The following ITGA3 variants were observed in gnomAD, a reference collection of about 807,000 sequenced individuals.
ITGA3 encodes the protein integrin alpha-3.
A neutral mutation model predicts 131.1 loss-of-function variants in ITGA3; 70 were observed. The ratio of observed to expected loss-of-function variants is 0.53; its 90% CI spans 0.44 to 0.65. ITGA3 has a LOEUF of 0.65. ITGA3 is among the 30% of genes least tolerant of loss of function. The pLI is 0.00. For synonymous variants in ITGA3, 537 were observed against 571.6 expected (o/e 0.94, Z 0.86); for missense variants, 1,098 against 1,388.6 (o/e 0.79, Z 3.33).
rs541435330 is a variant in ITGA3, at chr17:50,075,539, G to A, written c.1537+13G>A. ...AGGCGAAACATCAGTGAGTGCTGGGGTGCAGCGTAAAAGGGGTACGCTCCC... is the reference window on the plus strand; with the variant it reads ...AGGCGAAACATCAGTGAGTGCTGGGATGCAGCGTAAAAGGGGTACGCTCCC... On this transcript the variant is annotated intron_variant, in intron 11 of 25. Transcript: ENST00000320031. 3 of 1,614,114 alleles carry A rather than the reference G, an allele frequency of 1.9e-6. No individual in the cohort carries two copies. The highest frequency in any genetic ancestry group is 1.1e-5 in the South Asian group (1 of 91,088).
chr17:50,079,623 G>A (rs2144305632), intron 21 of ITGA3, 66 bp downstream of exon 21: 1 of 1,443,084 alleles, frequency 6.9e-7, no homozygotes, highest in East Asian at 2.5e-5. Flanking sequence ...TGGGCACCAG[G>A]GGCACACAAA....
chr17:50,058,714 C>G (rs193289331), intron 1 of ITGA3, among the ~76,000 whole-genome samples: 2 of 152,236 alleles, frequency 1.3e-5, no homozygotes, highest in Admixed American at 6.5e-5. Context: ...TTCGACCCCT[C>G]GGCCATTTGG....
intron 1 of ITGA3, among the ~76,000 whole-genome samples, chr17:50,059,050 A>G (rs1435981500): frequency 6.6e-6 from 1 of 152,200 alleles, no homozygotes; most frequent in East Asian, 1.9e-4. Flanking sequence ...TTAGAAACCC[A>G]GGGGTGGGAC....
At chr17:50,070,818 C>T (rs1218179404) in intron 4 of ITGA3, 26 bp from the exon 5 acceptor site, 2 of 1,519,012 alleles carry the variant, frequency 1.3e-6, no homozygotes, top group South Asian at 1.1e-5. Flanking sequence ...ATACTCCCTA[C>T]TCTCCCTCCC....
intron 23 of ITGA3, chr17:50,086,909 AG>A (rs1909473708): frequency 6.7e-6 from 1 of 149,646 alleles, no homozygotes; most frequent in Non-Finnish European, 1.5e-5. Context: ...AAAATTAGCC[AG>A]GCGTGATGGT....
chr17:50,062,461 G>A, intron 1 of ITGA3, among the ~76,000 whole-genome samples: 1 of 152,188 alleles, frequency 6.6e-6, no homozygotes, highest in Non-Finnish European at 1.5e-5. Context: ...AGCCCAGAGA[G>A]AAGTGACTCT....
intron 1 of ITGA3, among the ~76,000 whole-genome samples, chr17:50,061,861 G>A (rs1908097831): frequency 6.6e-6 from 1 of 152,020 alleles, no homozygotes; most frequent in Non-Finnish European, 1.5e-5. Flanking sequence ...CCAATATGGC[G>A]AAACCCCATC....
In ITGA3 at chr17:50,056,660, A is replaced by G; in HGVS notation, c.206+15A>G. On this transcript the variant is annotated intron_variant, in intron 1 of 25. Coordinates refer to ENST00000320031, the MANE Select transcript of ITGA3 (RefSeq NM_002204.4). The surrounding 1 kb of genome is among the most constrained non-coding windows in gnomAD (Gnocchi z 5.6). ...CAGCGCTACCTGTAAGTGAAGCTGG[A>G]GGGTGTGGGGTGGGAGCGAGAGAGT... 1.3e-6 allele frequency: 2 copies of G among 1,594,236 alleles called. No homozygotes were observed. Among genetic ancestry groups the G allele is most frequent in the Admixed American group, 1.7e-5 (1 of 57,806 alleles).
chr17:50,067,467 T>C (rs1908396104), intron 3 of ITGA3, among the ~76,000 whole-genome samples: 1 of 152,198 alleles, frequency 6.6e-6, no homozygotes, highest in Non-Finnish European at 1.5e-5. Flanking sequence ...TGCCTCTCTC[T>C]AGATATGAGA....
intron 22 of ITGA3, 23 bp from the exon 23 acceptor site, chr17:50,081,287 G>T: frequency 6.6e-7 from 1 of 1,506,514 alleles, no homozygotes; most frequent in South Asian, 1.2e-5. Flanking sequence ...TGTTCCCCTT[G>T]ACCCACCCCA....
At position 50,085,734 on chromosome 17, in the gene ITGA3, GATTATACATTATAGATTTATAATA is replaced by G. The variant is rs879757624; in HGVS notation, c.2920-2009_2920-1986del. On this transcript the variant is annotated intron_variant, in intron 23 of 25. Transcript: ENST00000320031. ...CATTATAGATTTATAATATATATTAGATTATACATTATAGATTTATAATATATATTAGATTATACATTATAGATT... is the reference window on the plus strand; with the variant it reads ...CATTATAGATTTATAATATATATTAGTATATTAGATTATACATTATAGATT... 2.1e-3 allele frequency among the ~76,000 whole-genome samples: 246 copies of G among 117,840 alleles called. 5 individuals carry two copies. Among genetic ancestry groups the G allele is most frequent in the East Asian group, 6.7e-3 (26 of 3,854 alleles). 77.3% of individuals were successfully genotyped at this position (117,840 alleles called of 152,430 possible). A position where few individuals can be genotyped will look rare whatever the true frequency, so the allele number is the denominator to read the frequency against.
At chr17:50,070,644 C>CAAAAAAAAA (rs59600840) in intron 4 of ITGA3, among the ~76,000 whole-genome samples, 200 bp from the exon 5 acceptor site, 3 of 69,466 alleles carry the variant, frequency 4.3e-5, no homozygotes, top group Non-Finnish European at 8.7e-5. Context: ...AAGACTGTCT[C>CAAAAAAAAA]AAAAAAAAAA....
chr17:50,085,825 T>C (rs1372841297), intron 23 of ITGA3, among the ~76,000 whole-genome samples: 5 of 77,958 alleles, frequency 6.4e-5, no homozygotes, highest in African/African-American at 1.9e-4. Flanking sequence ...TTATAATGTA[T>C]ATTAGATTAT....
At chr17:50,070,688 G>C (rs1392758954) in intron 4 of ITGA3, among the ~76,000 whole-genome samples, 156 bp from the exon 5 acceptor site, 3 of 119,238 alleles carry the variant, frequency 2.5e-5, no homozygotes, top group Non-Finnish European at 5.3e-5. Context: ...AATTGTTAAA[G>C]AGGATGTGTT....
intron 23 of ITGA3, 95 bp from the exon 24 acceptor site, chr17:50,087,649 C>T (rs1909513467): frequency 9.2e-6 from 13 of 1,417,922 alleles, no homozygotes; most frequent in Non-Finnish European, 1.3e-5. Context: ...GGCAGCAGGA[C>T]AAACAGCAGG....
At chr17:50,088,192 T>C in intron 24 of ITGA3, 33 bp from the exon 25 acceptor site, 2 of 1,543,638 alleles carry the variant, frequency 1.3e-6, no homozygotes, top group Non-Finnish European at 1.8e-6. Flanking sequence ...AGCGCCCCCC[T>C]GATGGCCCGT....
Position 50,079,267 on chromosome 17 carries a change from A to C in ITGA3, c.2583+9A>C, listed in dbSNP as rs762946727. 6.2e-6 allele frequency: 10 copies of C among 1,613,076 alleles called. No homozygotes were observed. In the South Asian group the frequency reaches 1.1e-4, roughly 18 times the overall value. On this transcript the variant is annotated intron_variant, in intron 20 of 25. Transcript: ENST00000320031. ...TCAACCTCACTCTTTCTGTAAGGAC[A>C]CTATCAGGGATATTTCATTTGCATG...
chr17:50,057,121 T>C (rs1434563346), intron 1 of ITGA3, among the ~76,000 whole-genome samples: 1 of 152,208 alleles, frequency 6.6e-6, no homozygotes, highest in Non-Finnish European at 1.5e-5. Context: ...CCAGACTGGA[T>C]GGCCTTCTCA....
At chr17:50,067,960 C>T (rs773908262) in intron 3 of ITGA3, 96 bp from the exon 4 acceptor site, 7 of 1,515,102 alleles carry the variant, frequency 4.6e-6, no homozygotes, top group Non-Finnish European at 6.3e-6. Flanking sequence ...TCCTTTGACT[C>T]CTGTTTGGCA....
Sources: gnomAD v4.1 joint callset for allele counts (sites outside exome capture counted in the v4.1 genomes callset) on GRCh38, gnomAD v4.1.1 for gene constraint, Gnocchi (gnomAD v3.1) non-coding constraint, MANE v1.5 for transcripts, NCBI Gene and HGNC (gene_info 2026-07-23, HGNC 2026-07-21) for gene names.